NRXN1: variants seen among roughly 807,000 people sequenced by gnomAD.
The protein encoded by NRXN1 is neurexin-1.
A neutral mutation model predicts 150.9 loss-of-function variants in NRXN1; 39 were observed. The observed-to-expected ratio is 0.26, with a 90% CI of 0.20 to 0.34. NRXN1 has a LOEUF of 0.34. Among genes scored for constraint, NRXN1 ranks in the 10% least tolerant of loss-of-function variants. The pLI, the probability that NRXN1 is intolerant of heterozygous loss-of-function variation, is 1.00. For synonymous variants in NRXN1, 924 were observed against 757.0 expected (o/e 1.22, Z -3.62); for missense variants, 1,815 against 1,949.9 (o/e 0.93, Z 1.30).
chr2:50,070,787 A>T (rs1268160899), intron 19 of NRXN1, among the ~76,000 whole-genome samples: 1 of 151,628 alleles, frequency 6.6e-6, no homozygotes, highest in East Asian at 1.9e-4. Flanking sequence ...AAAAAAAAAA[A>T]AACCTGTAAT....
In NRXN1 at chr2:50,245,752, TA is replaced by T. The variant is rs537075075; in HGVS notation, c.3365-8783del. On this transcript the variant is annotated intron_variant, in intron 17 of 22. Transcript: ENST00000401669. ...ATTATGGTCTAAAAAATGTCCAGTT[TA>T]AAAAAAAAAATGACATAAACATAGA... is the stretch of plus-strand genomic sequence containing the variant. Among the ~76,000 whole-genome samples the T allele has an allele frequency of 1.0e-2, 1,488 of 149,068 alleles. 11 individuals carry two copies. The highest frequency in any genetic ancestry group is 0.026 in the African/African-American group (1,057 of 40,846).
intron 18 of NRXN1, among the ~76,000 whole-genome samples, chr2:50,123,720 G>A (rs1042383974): frequency 1.3e-5 from 2 of 152,250 alleles, no homozygotes; most frequent in African/African-American, 4.8e-5. Context: ...TAGAGGCAAT[G>A]AGATTTACTG....
At chr2:50,349,246 C>T (rs917038046) in intron 17 of NRXN1, among the ~76,000 whole-genome samples, 3 of 152,152 alleles carry the variant, frequency 2.0e-5, no homozygotes, top group African/African-American at 7.2e-5. Flanking sequence ...TTAAATATGC[C>T]GTGTCTCCCA....
intron 5 of NRXN1, among the ~76,000 whole-genome samples, chr2:50,641,345 G>A (rs1573929878): frequency 1.3e-5 from 2 of 152,154 alleles, no homozygotes; most frequent in African/African-American, 2.4e-5. Context: ...TAATTAAAAA[G>A]CAGGCTCTTT....
chr2:50,594,159 C>A (rs1674760284), intron 8 of NRXN1, among the ~76,000 whole-genome samples: 1 of 152,166 alleles, frequency 6.6e-6, no homozygotes, highest in African/African-American at 2.4e-5. Context: ...CATAAATTAC[C>A]CAGCCTCGGG....
chr2:51,004,064 T>C (rs946466740), intron 2 of NRXN1, among the ~76,000 whole-genome samples: 4 of 140,028 alleles, frequency 2.9e-5, no homozygotes, highest in African/African-American at 1.2e-4. Context: ...TGTGTGGTGG[T>C]GGGGGAAAAA....
In NRXN1 at chr2:51,028,088, G is replaced by A. The variant is rs1186547259; in HGVS notation, c.186C>T (p.Ser62=). The change falls in exon 2 of 23, where the codon AGC becomes AGT. Residue 62 remains serine (S), a synonymous_variant. Coordinates refer to ENST00000401669, the MANE Select transcript of NRXN1 (RefSeq NM_001330078.2). ...CGAAGTAGAGCACGAGGCCGCGGGC[G>A]CTGCGAGTCTTGAGCTGGAAGCTCA... The part of the protein sequence containing the change: ...SEMSFQLKTR[S]ARGLVLYFDD... 3 of 1,584,954 alleles carry A rather than the reference G, an allele frequency of 1.9e-6. No individual in the cohort carries two copies. Among genetic ancestry groups the A allele is most frequent in the Admixed American group, 1.7e-5 (1 of 58,436 alleles).
intron 5 of NRXN1, among the ~76,000 whole-genome samples, chr2:50,630,330 T>G (rs891399516): frequency 2.6e-5 from 4 of 151,672 alleles, no homozygotes; most frequent in African/African-American, 9.7e-5. Flanking sequence ...AATCACTGAT[T>G]TCTACTTTAC....
chr2:50,091,111 A>T (rs1381108233), intron 19 of NRXN1, among the ~76,000 whole-genome samples: 1 of 152,192 alleles, frequency 6.6e-6, no homozygotes, highest in East Asian at 1.9e-4. Flanking sequence ...GAAAACGATA[A>T]TGTACACCTT....
intron 5 of NRXN1, among the ~76,000 whole-genome samples, chr2:50,711,609 T>C (rs1695167891): frequency 6.6e-6 from 1 of 152,088 alleles, no homozygotes; most frequent in Non-Finnish European, 1.5e-5. Context: ...GTGCTGGGAT[T>C]ACAGGCATAA....
intron 5 of NRXN1, among the ~76,000 whole-genome samples, chr2:50,882,154 G>A (rs1243111006): frequency 6.6e-6 from 1 of 151,746 alleles, no homozygotes; most frequent in African/African-American, 2.4e-5. Flanking sequence ...GACTGAATTA[G>A]GTTACATTGC....
intron 8 of NRXN1, among the ~76,000 whole-genome samples, chr2:50,564,843 C>G (rs1170640483): frequency 1.3e-5 from 2 of 152,118 alleles, no homozygotes; most frequent in Non-Finnish European, 2.9e-5. Flanking sequence ...CCACATGATT[C>G]AGATGTCAGA....
chr2:50,845,606 C>G (rs113021863), intron 5 of NRXN1, among the ~76,000 whole-genome samples: 2 of 152,288 alleles, frequency 1.3e-5, no homozygotes, highest in Non-Finnish European at 2.9e-5. Context: ...AGATTAGGAA[C>G]CTCACCATCT....
At chr2:50,813,092 G>A (rs1413308818) in intron 5 of NRXN1, among the ~76,000 whole-genome samples, 1 of 152,044 alleles carries the variant, frequency 6.6e-6, no homozygotes, top group Admixed American at 6.6e-5. Context: ...TACATGGGAG[G>A]CTGAGTCGGG....
intron 17 of NRXN1, among the ~76,000 whole-genome samples, chr2:50,446,419 C>T (rs957153976): frequency 7.5e-6 from 1 of 132,552 alleles, no homozygotes; most frequent in African/African-American, 2.8e-5. Context: ...TTCCTTCCTT[C>T]CCTCCTTCCT....
At chr2:50,170,061 TG>T (rs2059933371) in intron 18 of NRXN1, among the ~76,000 whole-genome samples, 1 of 152,046 alleles carries the variant, frequency 6.6e-6, no homozygotes, top group Non-Finnish European at 1.5e-5. Flanking sequence ...TTTTTAAGCA[TG>T]TATTTTACTT....
chr2:50,464,381 CT>C (rs1281416508), intron 17 of NRXN1: 1 of 151,862 alleles, frequency 6.6e-6, no homozygotes, highest in Non-Finnish European at 1.5e-5. Flanking sequence ...GTAAATTGTA[CT>C]TTATTGCTAG....
At chr2:50,618,408 A>G (rs976566181) in intron 8 of NRXN1, among the ~76,000 whole-genome samples, 2 of 152,162 alleles carry the variant, frequency 1.3e-5, no homozygotes, top group African/African-American at 4.8e-5. Flanking sequence ...ACTGTGTTAA[A>G]TAATTTAATA....
At chr2:50,560,259 G>T (rs1030373782) in intron 8 of NRXN1, among the ~76,000 whole-genome samples, 2 of 152,078 alleles carry the variant, frequency 1.3e-5, no homozygotes, top group African/African-American at 4.8e-5. Flanking sequence ...GCTTTTCTGG[G>T]AATGTCACTC....
Sources: gnomAD v4.1 joint callset for allele counts (sites outside exome capture counted in the v4.1 genomes callset) on GRCh38, gnomAD v4.1.1 for gene constraint, MANE v1.5 for transcripts, NCBI Gene and HGNC (gene_info 2026-07-23, HGNC 2026-07-21) for gene names.